The following EIF2D variants were observed in gnomAD, a reference collection of about 807,000 sequenced individuals.
The protein encoded by EIF2D is eukaryotic translation initiation factor 2D.
EIF2D carries 56 observed loss-of-function variants against 77.4 expected under a neutral mutation model. The observed-to-expected ratio is 0.72, with a 90% CI of 0.58 to 0.90. The LOEUF (loss-of-function observed/expected upper bound fraction) is 0.90, where lower values mean the gene tolerates loss of function less well. EIF2D is among the 40% of genes least tolerant of loss of function. The pLI is 0.00. For synonymous variants in EIF2D, 230 were observed against 271.0 expected, an observed-to-expected ratio of 0.85 and a Z score of 1.49; for missense variants, 574 against 706.5, an observed-to-expected ratio of 0.81 and a Z score of 2.13.
At chr1:206,598,914 C>A in intron 11 of EIF2D, 89 bp downstream of exon 11, 1 of 1,320,146 alleles carries the variant, frequency 7.6e-7, no homozygotes, top group Non-Finnish European at 1.1e-6. Context: ...GTTTTCTATT[C>A]TCCCTCCCAG....
At position 206,601,966 on chromosome 1, in the gene EIF2D, A is replaced by G. The variant is rs193285325; in HGVS notation, c.902+370T>C. On this transcript the variant is annotated intron_variant, in intron 7 of 14. Transcript: ENST00000271764. ...GAAGTGTGAGGAGGTTGAATGTTCCAGAAGAAGATTCCTGACAAAGAGGCT... is the reference window on the plus strand; with the variant it reads ...GAAGTGTGAGGAGGTTGAATGTTCCGGAAGAAGATTCCTGACAAAGAGGCT... The G allele has an allele frequency of 5.0e-5, 10 of 198,210 alleles. No homozygotes were observed. In the East Asian group the frequency reaches 1.3e-3, roughly 26 times the overall value. The allele number at this position is 198,210 out of a possible 1,614,324, so 12.3% of individuals were successfully genotyped here. A position where few individuals can be genotyped will look rare whatever the true frequency, so the allele number is the denominator to read the frequency against.
downstream of EIF2D, among the ~76,000 whole-genome samples, chr1:206,569,489 G>A (rs1668381774): frequency 6.6e-6 from 1 of 152,204 alleles, no homozygotes; most frequent in Non-Finnish European, 1.5e-5. Context: ...CCTAGATCTG[G>A]ACAAGGGAAG....
Position 206,608,238 on chromosome 1 carries a change from G to A in EIF2D, c.420C>T (p.Asn140=), listed in dbSNP as rs1216459296. ...GDLCAISLVG[N]RAPVAIGVAA... ...GGCACAGTTGCCTGGCACAGTACCTGTTCCCCACCAAAGAAATGGCACAGA... is the reference window on the plus strand; with the variant it reads ...GGCACAGTTGCCTGGCACAGTACCTATTCCCCACCAAAGAAATGGCACAGA... Residue 140 remains asparagine (N), a splice_region_variant and synonymous_variant, in exon 4 of 15, where the codon AAC becomes AAT. Transcript: ENST00000271764. 12 of 1,613,144 alleles carry A rather than the reference G, an allele frequency of 7.4e-6. No individual in the cohort carries two copies. Among genetic ancestry groups the A allele is most frequent in the African/African-American group, 1.3e-5 (1 of 74,832 alleles).
Position 206,604,600 on chromosome 1 carries a change from G to A in EIF2D, c.530+800C>T, listed in dbSNP as rs566001076. The A allele has an allele frequency of 2.0e-5, 3 of 151,932 alleles. No individual in the cohort carries two copies. The East Asian group carries it at 5.8e-4, about 29-fold the overall frequency. The allele number at this position is 151,932 out of a possible 1,614,324, so 9.4% of individuals were successfully genotyped here. A position where few individuals can be genotyped will look rare whatever the true frequency, so the allele number is the denominator to read the frequency against. On this transcript the variant is annotated intron_variant, in intron 5 of 14. Coordinates refer to ENST00000271764, the MANE Select transcript of EIF2D (RefSeq NM_006893.3). ...ATACAAAAAATTAGCCGGGCGTGGT[G>A]GGAGGTACCTGTGGTCCCAGCTACT... is the stretch of plus-strand genomic sequence containing the variant.
At chr1:206,597,254 C>T in intron 11 of EIF2D, 59 bp from the exon 12 acceptor site, 1 of 1,286,594 alleles carries the variant, frequency 7.8e-7, no homozygotes, top group Non-Finnish European at 1.1e-6. Flanking sequence ...GACCTGAAGG[C>T]TAATTCAGGA....
chr1:206,608,338 A>C lies in EIF2D; in HGVS notation c.332-12T>G, dbSNP rs1670301663. 6 of 1,594,280 alleles carry C rather than the reference A, an allele frequency of 3.8e-6. No homozygotes were observed. The highest frequency in any genetic ancestry group is 1.1e-5 in the South Asian group (1 of 88,668). On this transcript the variant is annotated splice_polypyrimidine_tract_variant and intron_variant, in intron 3 of 14. Coordinates refer to ENST00000271764, the MANE Select transcript of EIF2D (RefSeq NM_006893.3). The stretch of plus-strand genomic sequence containing the variant: ...AGGCAGCATCAAATCTGCAATGAAC[A>C]AAAAAAATCACAACCTGCATTCAGC...
intron 1 of EIF2D, 125 bp downstream of exon 1, chr1:206,612,162 T>G: frequency 7.5e-7 from 1 of 1,337,682 alleles, no homozygotes; most frequent in Non-Finnish European, 1.1e-6. Context: ...CTGGGGTCCC[T>G]TCCCTGGCAT....
In EIF2D at chr1:206,603,083, T is replaced by C. The variant is rs1188815899; in HGVS notation, c.652A>G (p.Met218Val). The C allele has an allele frequency of 1.1e-5, 18 of 1,614,196 alleles. No individual in the cohort carries two copies. The highest frequency in any genetic ancestry group is 3.3e-4 in the Middle Eastern group (2 of 6,062). Residue 218 changes from methionine to valine, a missense_variant, in exon 6 of 15, where the codon ATG (methionine) becomes GTG (valine). Met to Val is a conservative substitution (Grantham distance 21). Transcript: ENST00000271764. ...DSTLQGDMRH[M>V]TLEGEEENGE... is the part of the protein sequence containing the mutation. The stretch of plus-strand genomic sequence containing the variant: ...TTCTCCTCTTCCCCCTCCAGGGTCA[T>C]GTGCCTCATGTCTCCCTGCAGGGTG...
downstream of EIF2D, among the ~76,000 whole-genome samples, chr1:206,590,163 CAG>C (rs1229005736): frequency 3.3e-5 from 5 of 152,190 alleles, no homozygotes; most frequent in African/African-American, 1.2e-4. Context: ...ATGCTGTTCA[CAG>C]GGGGAGAGGG....
In EIF2D at chr1:206,599,002, C is replaced by T. The variant is rs782531947; in HGVS notation, c.1292+1G>A. ...AGATCTGGTGCTTCTCATGCACTCA[C>T]TTTTTGTTGTCTGCATCAACCAGGT... On this transcript the variant is annotated splice_donor_variant, in intron 11 of 14. Transcript: ENST00000271764. LOFTEE classifies it high-confidence loss of function. The surrounding 1 kb of genome is among the most constrained non-coding windows in gnomAD (Gnocchi z 4.1). 3 of 1,614,082 alleles carry T rather than the reference C, an allele frequency of 1.9e-6. No individual in the cohort carries two copies. The highest frequency in any genetic ancestry group is 2.5e-6 in the Non-Finnish European group (3 of 1,179,948).
At chr1:206,580,285 G>C (rs1668818641) in intron 4 of EIF2D, among the ~76,000 whole-genome samples, 1 of 152,234 alleles carries the variant, frequency 6.6e-6, no homozygotes, top group Non-Finnish European at 1.5e-5. Flanking sequence ...TTCTTACGGG[G>C]AAATGGCTCT....
chr1:206,580,485 CGGGAAGGTATAGGG>C (rs1244661410), intron 4 of EIF2D, among the ~76,000 whole-genome samples: 4 of 152,020 alleles, frequency 2.6e-5, no homozygotes, highest in Non-Finnish European at 4.4e-5. Context: ...AAGCTCCCAG[CGGGAAGGTATAGGG>C]GTAGGGCCAG....
At chr1:206,570,121 C>T (rs1413968087), downstream of EIF2D, among the ~76,000 whole-genome samples, 1 of 128,284 alleles carries the variant, frequency 7.8e-6, no homozygotes, top group Non-Finnish European at 1.6e-5. Context: ...GACAGAGTCT[C>T]AAATCTGTCA....
chr1:206,584,492 AAGG>A lies in EIF2D; in HGVS notation c.139-3333_139-3331del. ...GCCCCAGTCCATCTATGATGCCATC[AAGG>A]AGGTGAACCTGGCGGCTACCACGGA... On this transcript the variant is annotated intron_variant and NMD_transcript_variant, in intron 2 of 5. Transcript: ENST00000472709. The surrounding 1 kb of genome is among the most constrained non-coding windows in gnomAD (Gnocchi z 4.9). The A allele has an allele frequency of 6.2e-7, 1 of 1,614,090 alleles. No homozygotes were observed. The highest frequency in any genetic ancestry group is 8.5e-7 in the Non-Finnish European group (1 of 1,179,974).
chr1:206,581,912 T>C (rs560586163), intron 2 of EIF2D, among the ~76,000 whole-genome samples: 1 of 151,684 alleles, frequency 6.6e-6, no homozygotes, highest in East Asian at 2.0e-4. Flanking sequence ...CGCGGGGTGG[T>C]GATGTGACGT....
At chr1:206,612,148 C>T in intron 1 of EIF2D, 139 bp downstream of exon 1, 1 of 1,115,176 alleles carries the variant, frequency 9.0e-7, no homozygotes, top group South Asian at 1.3e-5. Context: ...CCCACCCTTG[C>T]CTCCTGGGGT....
At chr1:206,600,344 A>G (rs1669866653) in intron 7 of EIF2D, 36 bp from the exon 8 acceptor site, 2 of 1,602,314 alleles carry the variant, frequency 1.2e-6, no homozygotes, top group East Asian at 4.5e-5. Context: ...TAAACTAATG[A>G]GCAGTCATAC....
Position 206,575,865 on chromosome 1 carries a change from A to C in EIF2D, c.*255-3166T>G, listed in dbSNP as rs1668621278. 1.3e-5 allele frequency among the ~76,000 whole-genome samples: 2 copies of C among 152,240 alleles called. 1 individual carries two copies. The highest frequency in any genetic ancestry group is 4.1e-4 in the South Asian group (2 of 4,832). On this transcript the variant is annotated intron_variant and NMD_transcript_variant, in intron 4 of 5. Transcript: ENST00000472709. ...AGAGCTGAGCCACACGGCTAACGCCAAAGTCCAAAGCCTGGTGTGTGTTCT... is the reference window on the plus strand; with the variant it reads ...AGAGCTGAGCCACACGGCTAACGCCCAAGTCCAAAGCCTGGTGTGTGTTCT...
chr1:206,589,732 T>C (rs935761025), downstream of EIF2D, among the ~76,000 whole-genome samples: 9 of 152,196 alleles, frequency 5.9e-5, no homozygotes, highest in Non-Finnish European at 1.3e-4. Context: ...AAACAAACAG[T>C]CCTTTCACTT....
Sources: gnomAD v4.1 joint callset for allele counts (sites outside exome capture counted in the v4.1 genomes callset) on GRCh38, gnomAD v4.1.1 for gene constraint, Gnocchi (gnomAD v3.1) non-coding constraint, MANE v1.5 for transcripts, NCBI Gene and HGNC (gene_info 2026-07-23, HGNC 2026-07-21) for gene names.